The following RPSA2 variants were observed in gnomAD, a reference collection of about 807,000 sequenced individuals.
The protein encoded by RPSA2 is small ribosomal subunit protein uS2B.
chr19:23,833,008 T>G, the RPSA2 span: 23 of 1,420,404 alleles, frequency 1.6e-5, no homozygotes, highest in African/African-American at 3.3e-4. Context: ...TAGGCAGTCT[T>G]CAATTTTTGC....
the RPSA2 span, among the ~76,000 whole-genome samples, chr19:23,777,205 C>A: frequency 6.6e-6 from 1 of 152,154 alleles, no homozygotes; most frequent in Non-Finnish European, 1.5e-5. Context: ...GCCTGAAATA[C>A]AACCAAAAAG....
At chr19:23,765,784 A>G in the RPSA2 span, among the ~76,000 whole-genome samples, 1 of 152,174 alleles carries the variant, frequency 6.6e-6, no homozygotes, top group Non-Finnish European at 1.5e-5. Flanking sequence ...TTAAAAAAAT[A>G]ATTTGTTAGC....
chr19:23,817,647 C>T, the RPSA2 span: 1 of 146,660 alleles, frequency 6.8e-6, no homozygotes, highest in African/African-American at 2.5e-5. Flanking sequence ...ACAATGGATT[C>T]GCATCCAAAA....
At chr19:23,838,175 G>GT in the RPSA2 span, among the ~76,000 whole-genome samples, 3 of 152,072 alleles carry the variant, frequency 2.0e-5, no homozygotes, top group African/African-American at 7.2e-5. Flanking sequence ...TTTGTTGAAT[G>GT]TTTTTTCTGC....
the RPSA2 span, among the ~76,000 whole-genome samples, chr19:23,856,565 C>A: frequency 6.6e-6 from 1 of 152,146 alleles, no homozygotes; most frequent in Non-Finnish European, 1.5e-5. Flanking sequence ...TCCACACCTA[C>A]CAAAGGGAAT....
chr19:23,865,506 C>T, the RPSA2 span, among the ~76,000 whole-genome samples: 1 of 152,058 alleles, frequency 6.6e-6, no homozygotes, highest in Non-Finnish European at 1.5e-5. Context: ...CTGCTGCTGT[C>T]TCTTTATTCT....
the RPSA2 span, among the ~76,000 whole-genome samples, chr19:23,846,459 C>T: frequency 1.3e-5 from 2 of 151,782 alleles, no homozygotes; most frequent in African/African-American, 4.8e-5. Flanking sequence ...TTTTATAAGG[C>T]CTGTTTTATA....
At chr19:23,804,353 G>A in the RPSA2 span, among the ~76,000 whole-genome samples, 1 of 149,118 alleles carries the variant, frequency 6.7e-6, no homozygotes, top group African/African-American at 2.5e-5. Flanking sequence ...CTGGAGTGCG[G>A]TGGCGCCATT....
At chr19:23,778,720 C>T in the RPSA2 span, among the ~76,000 whole-genome samples, 2 of 152,140 alleles carry the variant, frequency 1.3e-5, no homozygotes, top group African/African-American at 4.8e-5. Flanking sequence ...CTAGACCCAT[C>T]ACCTGGATGA....
At chr19:23,773,997 C>T in the RPSA2 span, among the ~76,000 whole-genome samples, 2 of 312 alleles carry the variant, frequency 6.4e-3, no homozygotes, top group African/African-American at 7.5e-3. Flanking sequence ...AGTGATCTGA[C>T]TCTTGCCTAA....
the RPSA2 span, among the ~76,000 whole-genome samples, chr19:23,768,356 T>C: frequency 2.0e-5 from 3 of 151,812 alleles, no homozygotes; most frequent in South Asian, 4.2e-4. Flanking sequence ...TTGTATATAT[T>C]TCTCAAACCA....
At chr19:23,864,718 A>G in the RPSA2 span, among the ~76,000 whole-genome samples, 1 of 152,352 alleles carries the variant, frequency 6.6e-6, no homozygotes, top group Admixed American at 6.5e-5. Flanking sequence ...CTAATTTGTA[A>G]TTAGACTACT....
At chr19:23,758,769 C>T in the RPSA2 span, 15 of 1,614,102 alleles carry the variant, frequency 9.3e-6, no homozygotes, top group Non-Finnish European at 8.5e-7. Flanking sequence ...TCCGGGGGAC[C>T]TGGCGTCTTA....
At chr19:23,868,493 C>T in the RPSA2 span, among the ~76,000 whole-genome samples, 408 of 148,860 alleles carry the variant, frequency 2.7e-3, no homozygotes, top group African/African-American at 9.7e-3. Context: ...TCAAACGTTA[C>T]AACGCATGTT....
chr19:23,845,286 C>G, the RPSA2 span, among the ~76,000 whole-genome samples: 3 of 127,396 alleles, frequency 2.4e-5, no homozygotes, highest in African/African-American at 8.7e-5. Context: ...TTTTTTTTTT[C>G]TTCTTCTAAC....
the RPSA2 span, among the ~76,000 whole-genome samples, chr19:23,815,392 T>TTGGCACCATCCTCTA: frequency 0.07 from 27 of 384 alleles, no homozygotes; most frequent in Admixed American, 0.2. Flanking sequence ...CATAAATAGC[T>TTGGCACCATCCTCTA]GGTAATCAAA....
the RPSA2 span, among the ~76,000 whole-genome samples, chr19:23,777,213 AAG>A: frequency 6.6e-6 from 1 of 152,128 alleles, no homozygotes; most frequent in African/African-American, 2.4e-5. Context: ...TACAACCAAA[AAG>A]AAAGTTTGAT....
the RPSA2 span, among the ~76,000 whole-genome samples, chr19:23,825,034 C>T: frequency 6.6e-6 from 1 of 151,700 alleles, no homozygotes. Context: ...GGCTGGAGTG[C>T]AGTGGCACAA....
the RPSA2 span, among the ~76,000 whole-genome samples, chr19:23,787,672 T>C: frequency 3.9e-5 from 6 of 151,926 alleles, no homozygotes; most frequent in South Asian, 1.2e-3. Context: ...CCAAAGGTGA[T>C]GTGACTCTCT....
Sources: allele counts gnomAD v4.1 joint callset (sites outside exome capture counted in the v4.1 genomes callset), GRCh38; gene constraint gnomAD v4.1.1; transcripts MANE v1.5; gene names NCBI Gene and HGNC (gene_info 2026-07-23, HGNC 2026-07-21).